Variants in CTNND2 observed in about 807,000 individuals in gnomAD.
CTNND2 encodes catenin delta-2.
A neutral mutation model predicts 144.4 loss-of-function variants in CTNND2; 22 were observed. That is an observed-to-expected ratio of 0.15 (90% CI 0.11 to 0.22). CTNND2 has a LOEUF of 0.22. CTNND2 is among the 10% of genes least tolerant of loss of function. CTNND2 has a pLI of 1.00. For missense variants in CTNND2, 1,353 were observed against 1,618.8 expected, an observed-to-expected ratio of 0.84 and a Z score of 2.82; for synonymous variants, 751 against 695.6, an observed-to-expected ratio of 1.08 and a Z score of -1.25.
At chr5:11,702,952 C>T (rs912367315) in intron 2 of CTNND2, among the ~76,000 whole-genome samples, 6 of 152,144 alleles carry the variant, frequency 3.9e-5, no homozygotes, top group African/African-American at 9.7e-5. Context: ...AACCAACATC[C>T]GCAACACTCA....
intron 1 of CTNND2, among the ~76,000 whole-genome samples, chr5:11,822,584 A>C (rs1793373727): frequency 6.6e-6 from 1 of 152,072 alleles, no homozygotes; most frequent in African/African-American, 2.4e-5. Context: ...TGATGGGATT[A>C]TCATTACCAC....
At chr5:11,349,621 C>T (rs149480239) in intron 8 of CTNND2, among the ~76,000 whole-genome samples, 23 of 152,078 alleles carry the variant, frequency 1.5e-4, no homozygotes, top group African/African-American at 4.1e-4. Flanking sequence ...AGGCCTGAAA[C>T]GAAAGGAAAT....
At chr5:11,588,781 T>G in intron 2 of CTNND2, 2 of 985,364 alleles carry the variant, frequency 2.0e-6, no homozygotes, top group Non-Finnish European at 2.4e-6. Flanking sequence ...ACTTGAAAAC[T>G]GTAGTCTAGG....
At chr5:11,685,356 G>C (rs1421463567) in intron 2 of CTNND2, among the ~76,000 whole-genome samples, 3 of 152,102 alleles carry the variant, frequency 2.0e-5, no homozygotes, top group Admixed American at 1.3e-4. Flanking sequence ...TTAACCTACA[G>C]GTAGTTCACA....
intron 2 of CTNND2, among the ~76,000 whole-genome samples, chr5:11,704,889 C>A (rs1785623093): frequency 6.6e-6 from 1 of 151,632 alleles, no homozygotes; most frequent in East Asian, 2.0e-4. Context: ...AAAATATCTA[C>A]AATACAAATG....
intron 2 of CTNND2, among the ~76,000 whole-genome samples, chr5:11,655,725 A>G (rs145679678): frequency 2.1e-3 from 325 of 152,244 alleles, no homozygotes; most frequent in Middle Eastern, 6.8e-3. Flanking sequence ...TAGGAATCAA[A>G]TAAGATCAAT....
At chr5:11,222,355 T>C (rs899820807) in intron 10 of CTNND2, among the ~76,000 whole-genome samples, 5 of 152,248 alleles carry the variant, frequency 3.3e-5, no homozygotes, top group African/African-American at 9.6e-5. Flanking sequence ...GACTGCTGTC[T>C]GACTCACGTC....
At chr5:11,199,258 G>C (rs370142776) in intron 11 of CTNND2, among the ~76,000 whole-genome samples, 190 bp downstream of exon 11, 18 of 152,098 alleles carry the variant, frequency 1.2e-4, no homozygotes, top group East Asian at 5.8e-4. Flanking sequence ...CTGGATTATT[G>C]AATATGAATC....
At chr5:11,288,995 A>C (rs1445403965) in intron 9 of CTNND2, among the ~76,000 whole-genome samples, 2 of 152,142 alleles carry the variant, frequency 1.3e-5, no homozygotes, top group African/African-American at 4.8e-5. Flanking sequence ...GCCCCTCAGC[A>C]TATAGAATCC....
intron 16 of CTNND2, among the ~76,000 whole-genome samples, chr5:11,058,439 TGTG>T (rs1350171034): frequency 1.3e-5 from 2 of 152,232 alleles, no homozygotes; most frequent in Non-Finnish European, 2.9e-5. Context: ...GCAGCTCTCA[TGTG>T]GTGTTGAGAC....
At chr5:11,609,484 T>C (rs1252340042) in intron 2 of CTNND2, among the ~76,000 whole-genome samples, 2 of 152,166 alleles carry the variant, frequency 1.3e-5, no homozygotes, top group East Asian at 3.9e-4. Context: ...TGGTCAGTCT[T>C]ACCTGACAGA....
At chr5:11,751,866 C>T (rs1788641986) in intron 1 of CTNND2, among the ~76,000 whole-genome samples, 1 of 151,838 alleles carries the variant, frequency 6.6e-6, no homozygotes, top group Non-Finnish European at 1.5e-5. Flanking sequence ...CACAGCCTCA[C>T]CAGCATCTGT....
intron 9 of CTNND2, among the ~76,000 whole-genome samples, chr5:11,257,731 C>G (rs1307851147): frequency 1.3e-5 from 2 of 152,144 alleles, no homozygotes; most frequent in African/African-American, 4.8e-5. Flanking sequence ...TATCACCCAC[C>G]CTAACAGGAG....
chr5:11,645,111 G>T (rs550007189), intron 2 of CTNND2, among the ~76,000 whole-genome samples: 1 of 151,930 alleles, frequency 6.6e-6, no homozygotes. Context: ...GACTATAAGC[G>T]TGCACCACCA....
intron 9 of CTNND2, among the ~76,000 whole-genome samples, chr5:11,316,122 A>T (rs1751447558): frequency 6.6e-6 from 1 of 152,202 alleles, no homozygotes; most frequent in Non-Finnish European, 1.5e-5. Flanking sequence ...AAAAACAAAA[A>T]ATCTAAACTA....
At chr5:11,776,115 G>T (rs1184298703) in intron 1 of CTNND2, among the ~76,000 whole-genome samples, 6 of 152,180 alleles carry the variant, frequency 3.9e-5, no homozygotes, top group Admixed American at 2.0e-4. Context: ...AACTGAAAGA[G>T]AATAAATTTC....
chr5:11,628,994 G>A (rs1315270503), intron 2 of CTNND2, among the ~76,000 whole-genome samples: 5 of 152,062 alleles, frequency 3.3e-5, no homozygotes, highest in African/African-American at 7.2e-5. Context: ...TCCTCTCTAC[G>A]GGAAACCATT....
At chr5:11,722,024 A>G (rs1160693036) in intron 2 of CTNND2, among the ~76,000 whole-genome samples, 1 of 152,180 alleles carries the variant, frequency 6.6e-6, no homozygotes. Flanking sequence ...TATTGTCACA[A>G]TTCCCCTGTT....
At chr5:11,198,616 A>G (rs569798488) in intron 11 of CTNND2, among the ~76,000 whole-genome samples, 2 of 152,366 alleles carry the variant, frequency 1.3e-5, no homozygotes, top group South Asian at 4.1e-4. Context: ...CAACTATGCA[A>G]TCCATTTGCT....
Sources: gnomAD v4.1 joint callset for allele counts (sites outside exome capture counted in the v4.1 genomes callset) on GRCh38, gnomAD v4.1.1 for gene constraint, MANE v1.5 for transcripts, NCBI Gene and HGNC (gene_info 2026-07-23, HGNC 2026-07-21) for gene names.